Variants in ZNF475 observed in about 807,000 individuals in gnomAD.
The protein encoded by ZNF475 is zinc finger protein 475.
the ZNF475 span, among the ~76,000 whole-genome samples, chr5:122,175,357 T>G: frequency 1.3e-4 from 20 of 152,208 alleles, 1 homozygote; most frequent in Non-Finnish European, 2.1e-4. Flanking sequence ...CCAAGTTTTA[T>G]TTCCCCAATG....
the ZNF475 span, among the ~76,000 whole-genome samples, chr5:122,169,315 T>C: frequency 6.6e-6 from 1 of 152,192 alleles, no homozygotes; most frequent in East Asian, 1.9e-4. Flanking sequence ...TTCAGACTCT[T>C]GTGGCACTAT....
the ZNF475 span, among the ~76,000 whole-genome samples, chr5:122,172,243 A>G: frequency 6.6e-6 from 1 of 152,180 alleles, no homozygotes; most frequent in East Asian, 1.9e-4. Flanking sequence ...TCAGGGAGTA[A>G]AAGAGCAGCT....
At chr5:122,161,631 A>G in the ZNF475 span, among the ~76,000 whole-genome samples, 1 of 152,208 alleles carries the variant, frequency 6.6e-6, no homozygotes, top group Non-Finnish European at 1.5e-5. Flanking sequence ...GTCCAAGTTC[A>G]GGTCAGAGAG....
the ZNF475 span, among the ~76,000 whole-genome samples, chr5:122,177,070 A>G: frequency 5.3e-5 from 8 of 152,068 alleles, no homozygotes; most frequent in Non-Finnish European, 7.4e-5. Context: ...GAAGAGAGAC[A>G]GGGAAGAGAA....
the ZNF475 span, chr5:122,179,788 A>G: frequency 1.6e-6 from 2 of 1,225,542 alleles, no homozygotes; most frequent in Non-Finnish European, 2.2e-6. Flanking sequence ...CTCTAAACTA[A>G]TAAGAGCAGA....
At chr5:122,174,750 G>T in the ZNF475 span, among the ~76,000 whole-genome samples, 1 of 152,122 alleles carries the variant, frequency 6.6e-6, no homozygotes, top group East Asian at 1.9e-4. Context: ...GTGCTTATAT[G>T]TGTGGTTAAA....
the ZNF475 span, among the ~76,000 whole-genome samples, chr5:122,169,097 G>A: frequency 5.7e-4 from 87 of 152,246 alleles, no homozygotes; most frequent in African/African-American, 1.8e-3. Context: ...CTTCCTCTAA[G>A]CAGCCTTCTT....
the ZNF475 span, chr5:122,179,690 G>A: frequency 1.3e-6 from 2 of 1,532,106 alleles, no homozygotes; most frequent in African/African-American, 2.7e-5. Flanking sequence ...AAGAGTTAAG[G>A]AGACCAGTAC....
chr5:122,163,541 T>A, the ZNF475 span, among the ~76,000 whole-genome samples: 3 of 152,230 alleles, frequency 2.0e-5, no homozygotes, highest in Non-Finnish European at 2.9e-5. Context: ...TTATTTGGCT[T>A]AATGGAAGGA....
the ZNF475 span, among the ~76,000 whole-genome samples, chr5:122,178,878 T>C: frequency 2.6e-3 from 389 of 152,334 alleles, 3 homozygotes; most frequent in Middle Eastern, 0.01. Context: ...GATCTTACAT[T>C]TCATTCTTTC....
At chr5:122,180,653 T>C in the ZNF475 span, among the ~76,000 whole-genome samples, 7 of 152,208 alleles carry the variant, frequency 4.6e-5, no homozygotes, top group African/African-American at 1.4e-4. Context: ...TTTCAATTCA[T>C]CCATTCTCCT....
chr5:122,163,470 C>A, the ZNF475 span, among the ~76,000 whole-genome samples: 1 of 152,184 alleles, frequency 6.6e-6, no homozygotes, highest in Non-Finnish European at 1.5e-5. Context: ...ACTCTTACTT[C>A]CTCCATCCAA....
the ZNF475 span, among the ~76,000 whole-genome samples, chr5:122,165,468 T>A: frequency 6.6e-6 from 1 of 152,170 alleles, no homozygotes; most frequent in Non-Finnish European, 1.5e-5. Context: ...GTGGTCACCA[T>A]TTTTTAATTC....
At chr5:122,165,739 G>T in the ZNF475 span, among the ~76,000 whole-genome samples, 31 of 148,230 alleles carry the variant, frequency 2.1e-4, no homozygotes, top group African/African-American at 7.1e-4. Flanking sequence ...ATGTAGGTTT[G>T]ATGTACGGAT....
the ZNF475 span, among the ~76,000 whole-genome samples, chr5:122,178,248 G>T: frequency 6.6e-6 from 1 of 152,142 alleles, no homozygotes; most frequent in Non-Finnish European, 1.5e-5. Flanking sequence ...ATAATCCTTT[G>T]GGTATATACC....
the ZNF475 span, among the ~76,000 whole-genome samples, chr5:122,167,345 C>T: frequency 6.6e-6 from 1 of 151,588 alleles, no homozygotes; most frequent in Non-Finnish European, 1.5e-5. Flanking sequence ...ATTTAATGTC[C>T]TGAAAAAAAA....
chr5:122,160,323 G>T, the ZNF475 span: 1 of 1,231,018 alleles, frequency 8.1e-7, no homozygotes, highest in South Asian at 1.3e-5. Flanking sequence ...GGGAATTTGT[G>T]TATATGTATT....
At chr5:122,169,034 C>G in the ZNF475 span, among the ~76,000 whole-genome samples, 1 of 152,198 alleles carries the variant, frequency 6.6e-6, no homozygotes, top group Non-Finnish European at 1.5e-5. Flanking sequence ...TTCTCAAGGT[C>G]TAACCACTCG....
chr5:122,164,888 G>T, the ZNF475 span, among the ~76,000 whole-genome samples: 1 of 152,270 alleles, frequency 6.6e-6, no homozygotes, highest in Non-Finnish European at 1.5e-5. Context: ...AAGCCAAATA[G>T]GGATCTGTCA....
Sources: gnomAD v4.1 joint callset for allele counts (sites outside exome capture counted in the v4.1 genomes callset) on GRCh38, gnomAD v4.1.1 for gene constraint, MANE v1.5 for transcripts, NCBI Gene and HGNC (gene_info 2026-07-23, HGNC 2026-07-21) for gene names.